The following RIF1 variants were observed in gnomAD, a reference collection of about 807,000 sequenced individuals.
RIF1 encodes replication timing regulatory factor 1.
RIF1 carries 45 observed loss-of-function variants against 247.1 expected under a neutral mutation model. The observed-to-expected ratio is 0.18, with a 90% CI of 0.14 to 0.23. The LOEUF (loss-of-function observed/expected upper bound fraction) is 0.23, where lower values mean the gene tolerates loss of function less well. RIF1 is among the 10% of genes least tolerant of loss of function. RIF1 has a pLI of 1.00. For synonymous variants in RIF1, 1,087 were observed against 978.8 expected, an observed-to-expected ratio of 1.11 and a Z score of -2.06; for missense variants, 2,967 against 2,862.5, an observed-to-expected ratio of 1.04 and a Z score of -0.83.
chr2:151,531,472 G>C, the RIF1 span, among the ~76,000 whole-genome samples: 1 of 151,810 alleles, frequency 6.6e-6, no homozygotes, highest in African/African-American at 2.4e-5. Context: ...ATGCACCACT[G>C]CATCTGGCTA....
At chr2:151,454,757 G>C in intron 21 of RIF1, 138 bp from the exon 22 acceptor site, 1 of 588,678 alleles carries the variant, frequency 1.7e-6, no homozygotes, top group Non-Finnish European at 2.9e-6. Flanking sequence ...GTTATGATTT[G>C]TTTGGGGTGT....
chr2:151,512,019 CTTTTT>C (rs71403173), downstream of RIF1, among the ~76,000 whole-genome samples: 1 of 93,566 alleles, frequency 1.1e-5, no homozygotes, highest in Non-Finnish European at 2.0e-5. Flanking sequence ...CCCTCTCACT[CTTTTT>C]TTTTTTTTTT....
At chr2:151,438,337 G>T (rs920297473) in intron 13 of RIF1, among the ~76,000 whole-genome samples, 14 of 152,086 alleles carry the variant, frequency 9.2e-5, no homozygotes, top group Non-Finnish European at 1.8e-4. Flanking sequence ...AATTAGATGG[G>T]TGTAGTGGTG....
downstream of RIF1, chr2:151,508,122 T>C (rs376065596): frequency 4.4e-5 from 69 of 1,571,512 alleles, 1 homozygote; most frequent in Middle Eastern, 5.0e-4. Flanking sequence ...GGGAATAGAT[T>C]CCAAGAAATA....
chr2:151,497,894 A>G (rs2061380933), intron 10 of RIF1: 2 of 1,486,250 alleles, frequency 1.3e-6, no homozygotes. Context: ...TGCACCCTCT[A>G]GAGAAGCAGG....
chr2:151,412,609 T>C (rs1686449635), intron 3 of RIF1, among the ~76,000 whole-genome samples: 1 of 152,126 alleles, frequency 6.6e-6, no homozygotes, highest in South Asian at 2.1e-4. Flanking sequence ...CGCCTCAGCC[T>C]CCTGAGTAGC....
rs1285109843 is a variant in RIF1, at chr2:151,454,895, C to T, written c.2345C>T (p.Ser782Leu). 1.3e-6 allele frequency: 2 copies of T among 1,549,548 alleles called. No homozygotes were observed. The highest frequency in any genetic ancestry group is 8.7e-7 in the Non-Finnish European group (1 of 1,151,440). Reference protein sequence around the residue: ...YNIKYQPKVKSPQRPSDWSKK... With the variant: ...YNIKYQPKVKLPQRPSDWSKK... ...TAATTAATTCAGTTTTTGTTTTTAG[C>T]ACCACAGAGACCTTCAGATTGGTCC... Residue 782 changes from serine to leucine, a missense_variant and splice_region_variant, in exon 22 of 36, where the codon TCA (serine) becomes TTA (leucine). Around this residue, in one of 7 missense-constraint regions of RIF1, gnomAD observed 2,028 missense variants for 1,825.6 expected, o/e 1.11. Transcript: ENST00000444746.
chr2:151,429,020 TTAAG>T, intron 9 of RIF1, 98 bp downstream of exon 9: 1 of 709,938 alleles, frequency 1.4e-6, no homozygotes, highest in Admixed American at 2.9e-5. Flanking sequence ...TAAGTTGAAG[TTAAG>T]TAACTACTGA....
At chr2:151,510,820 CTACTG>C (rs1427408316), downstream of RIF1, among the ~76,000 whole-genome samples, 2 of 152,172 alleles carry the variant, frequency 1.3e-5, no homozygotes, top group South Asian at 2.1e-4. Context: ...TAAGAGGAGA[CTACTG>C]TATAGTATCC....
the RIF1 span, chr2:151,526,893 A>G: frequency 1.4e-6 from 2 of 1,473,124 alleles, no homozygotes; most frequent in Middle Eastern, 1.7e-4. Flanking sequence ...GAGGTTAGGC[A>G]TCATGGAAGG....
the RIF1 span, chr2:151,526,833 A>G: frequency 9.8e-7 from 1 of 1,016,458 alleles, no homozygotes; most frequent in South Asian, 1.4e-5. Context: ...GCTCTTCTCC[A>G]TCCTTCCCTG....
chr2:151,444,017 C>T (rs920795061), intron 18 of RIF1, among the ~76,000 whole-genome samples: 5 of 152,148 alleles, frequency 3.3e-5, no homozygotes, highest in South Asian at 2.1e-4. Context: ...GGAATAACAG[C>T]GGTTATCTTG....
chr2:151,413,113 ACCT>A (rs931599145), intron 3 of RIF1, among the ~76,000 whole-genome samples: 3 of 148,370 alleles, frequency 2.0e-5, no homozygotes, highest in African/African-American at 5.0e-5. Flanking sequence ...TGGCTTGAAC[ACCT>A]CCTGGGTTCA....
chr2:151,485,543 ACT>A (rs370629876), downstream of RIF1: 24 of 411,026 alleles, frequency 5.8e-5, no homozygotes, highest in East Asian at 6.0e-4. Context: ...ATGGAGAAAG[ACT>A]CTAGGCACAG....
In RIF1 at chr2:151,462,738, C is replaced by G. The variant is rs1168110287; in HGVS notation, c.3364-146C>G. 10 of 636,036 alleles carry G rather than the reference C, an allele frequency of 1.6e-5. No individual in the cohort carries two copies. The East Asian group carries it at 2.8e-4, about 18-fold the overall frequency. 39.4% of individuals were successfully genotyped at this position (636,036 alleles called of 1,614,324 possible). A position where few individuals can be genotyped will look rare whatever the true frequency, so the allele number is the denominator to read the frequency against. Reference sequence around the variant, plus strand: ...AACACAAACTGTTAGGTATCTACCACTAACTTTGGAATAGTTGCCATATAT... The same window carrying G: ...AACACAAACTGTTAGGTATCTACCAGTAACTTTGGAATAGTTGCCATATAT... On this transcript the variant is annotated intron_variant, in intron 29 of 35. Transcript: ENST00000444746.
chr2:151,487,056 T>C (rs183123066), downstream of RIF1, among the ~76,000 whole-genome samples: 54 of 152,350 alleles, frequency 3.5e-4, no homozygotes, highest in Non-Finnish European at 5.0e-4. Flanking sequence ...TGTGTGTGTG[T>C]GCGCATGTGC....
At chr2:151,415,586 G>T (rs1250555455) in intron 4 of RIF1, among the ~76,000 whole-genome samples, 1 of 9,622 alleles carries the variant, frequency 1.0e-4, no homozygotes, top group South Asian at 0.019. Context: ...AAAAAAAAAA[G>T]GATATTGCTG....
chr2:151,427,474 G>A (rs1689306309), intron 8 of RIF1, among the ~76,000 whole-genome samples: 1 of 149,216 alleles, frequency 6.7e-6, no homozygotes, highest in South Asian at 2.1e-4. Context: ...GCCTCCCAGA[G>A]TGCTGGGATT....
the RIF1 span, chr2:151,516,544 T>C: frequency 1.2e-6 from 2 of 1,610,890 alleles, no homozygotes; most frequent in Admixed American, 1.7e-5. Flanking sequence ...TTCCTTTTCA[T>C]ACTTTTCTTT....
Sources: allele counts gnomAD v4.1 joint callset (sites outside exome capture counted in the v4.1 genomes callset), GRCh38; gene constraint gnomAD v4.1.1; regional missense constraint gnomAD v4.1.1; transcripts MANE v1.5; gene names NCBI Gene and HGNC (gene_info 2026-07-23, HGNC 2026-07-21).